Variants in CECR2 observed in about 807,000 individuals in gnomAD.
CECR2 encodes chromatin remodeling regulator CECR2.
In CECR2, 30 loss-of-function variants were observed where a neutral mutation model predicts 154.5. The ratio of observed to expected loss-of-function variants is 0.19; its 90% CI spans 0.15 to 0.26. The LOEUF (loss-of-function observed/expected upper bound fraction) is 0.26, where lower values mean the gene tolerates loss of function less well. Among genes scored for constraint, CECR2 ranks in the 10% least tolerant of loss-of-function variants. The probability of loss-of-function intolerance (pLI) is 1.00; values close to 1 mark genes in which losing one functional copy is unlikely to be tolerated. For synonymous variants in CECR2, 725 were observed against 683.7 expected, an observed-to-expected ratio of 1.06 and a Z score of -0.94; for missense variants, 1,743 against 1,829.3, an observed-to-expected ratio of 0.95 and a Z score of 0.86.
intron 8 of CECR2, among the ~76,000 whole-genome samples, chr22:17,523,863 C>T (rs1483129593): frequency 6.6e-6 from 1 of 151,854 alleles, no homozygotes; most frequent in African/African-American, 2.4e-5. Flanking sequence ...AGTAAATTAT[C>T]CATAAGATTG....
intron 1 of CECR2, among the ~76,000 whole-genome samples, chr22:17,377,128 A>T (rs1410128152): frequency 6.6e-6 from 1 of 152,196 alleles, no homozygotes; most frequent in East Asian, 1.9e-4. Context: ...ACTCTTAACT[A>T]ATCTAGAAAA....
chr22:17,405,639 CAAAAAAA>C (rs58874516), intron 1 of CECR2, among the ~76,000 whole-genome samples: 133 of 72,330 alleles, frequency 1.8e-3, no homozygotes, highest in African/African-American at 5.3e-3. Flanking sequence ...GACTCCATCT[CAAAAAAA>C]AAAAAAAAAA....
chr22:17,548,318 G>C lies in CECR2; in HGVS notation c.3031G>C (p.Glu1011Gln). ...VGPELKSSSS[E>Q]SADNCKAMKG... ...CCCGGAGCTCAAAAGCAGCTCCTCC[G>C]AATCTGCGGACAACTGTAAAGCAAT... Residue 1011 changes from glutamate to glutamine, a missense_variant, in exon 17 of 19, where the codon GAA becomes CAA. By Grantham distance (29) the Glu-to-Gln change is conservative. This residue lies in a region of CECR2 where 1,250 missense variants were observed against 1,192.1 expected (regional missense o/e 1.05). Coordinates refer to ENST00000262608, the MANE Select transcript of CECR2 (RefSeq NM_001290047.2). 6.2e-7 allele frequency: 1 copy of C among 1,610,968 alleles called. No individual in the cohort carries two copies. Among genetic ancestry groups the C allele is most frequent in the Non-Finnish European group, 8.5e-7 (1 of 1,178,568 alleles).
At chr22:17,529,626 G>A (rs2056322525) in intron 9 of CECR2, among the ~76,000 whole-genome samples, 1 of 151,968 alleles carries the variant, frequency 6.6e-6, no homozygotes, top group Non-Finnish European at 1.5e-5. Context: ...CGTGAACCCG[G>A]GAGGCGGAGC....
At chr22:17,487,921 C>G (rs886585810) in intron 2 of CECR2, among the ~76,000 whole-genome samples, 1 of 152,010 alleles carries the variant, frequency 6.6e-6, no homozygotes, top group Admixed American at 6.6e-5. Flanking sequence ...TCGCTCTTGT[C>G]CCCCAGGTTT....
chr22:17,545,374 CAAAA>C (rs695493), intron 16 of CECR2, among the ~76,000 whole-genome samples: 87 of 46,436 alleles, frequency 1.9e-3, no homozygotes, highest in African/African-American at 7.5e-3. Flanking sequence ...GACTCCGTCT[CAAAA>C]AAAAAAAAAA....
At chr22:17,448,219 T>TAA (rs2054708500) in intron 1 of CECR2, among the ~76,000 whole-genome samples, 3 of 152,210 alleles carry the variant, frequency 2.0e-5, no homozygotes. Context: ...ATGTGTGTAC[T>TAA]ACACATCCAT....
At chr22:17,504,443 A>C (rs1325033243) in intron 6 of CECR2, among the ~76,000 whole-genome samples, 2 of 150,950 alleles carry the variant, frequency 1.3e-5, no homozygotes, top group Admixed American at 6.6e-5. Context: ...ATTTTTATTT[A>C]TTTATTTATT....
chr22:17,407,419 A>T (rs1970525216), intron 1 of CECR2, among the ~76,000 whole-genome samples: 1 of 152,152 alleles, frequency 6.6e-6, no homozygotes, highest in Non-Finnish European at 1.5e-5. Flanking sequence ...AACATAGTGA[A>T]ACCCCATCTC....
chr22:17,407,536 A>C (rs935297452), intron 1 of CECR2, among the ~76,000 whole-genome samples: 1 of 151,980 alleles, frequency 6.6e-6, no homozygotes, highest in African/African-American at 2.4e-5. Flanking sequence ...CGGAGATTGC[A>C]GTGAGCTGAG....
intron 2 of CECR2, among the ~76,000 whole-genome samples, chr22:17,483,448 T>C (rs1041938993): frequency 1.3e-5 from 2 of 152,038 alleles, no homozygotes; most frequent in African/African-American, 4.8e-5. Context: ...GACCCCTGTC[T>C]CTACTAAAAA....
At chr22:17,478,512 C>T (rs183721176) in intron 2 of CECR2, among the ~76,000 whole-genome samples, 113 of 152,128 alleles carry the variant, frequency 7.4e-4, no homozygotes, top group Non-Finnish European at 1.3e-3. Context: ...CTCGCCACCA[C>T]GCCCGGCTAA....
Position 17,548,501 on chromosome 22 carries a change from G to A in CECR2, c.3214G>A (p.Gly1072Ser), listed in dbSNP as rs766452519. The A allele has an allele frequency of 8.7e-6, 14 of 1,613,850 alleles. No homozygotes were observed. The African/African-American group carries it at 1.7e-4, about 20-fold the overall frequency. ...SPCGSEGKGLGSSGSEKLLCP... is the reference protein window; with the variant it reads ...SPCGSEGKGLSSSGSEKLLCP... ...TTGTGGATCGGAGGGGAAGGGCCTT[G>A]GTAGCAGTGGTTCCGAAAAGCTGCT... Residue 1072 changes from glycine (G) to serine (S), a missense_variant, in exon 17 of 19, where the codon GGT (glycine) becomes AGT (serine). Transcript: ENST00000262608.
chr22:17,505,340 T>TAA (rs796552463), intron 7 of CECR2, among the ~76,000 whole-genome samples: 3 of 143,442 alleles, frequency 2.1e-5, no homozygotes, highest in African/African-American at 5.1e-5. Flanking sequence ...TGTAATGCTT[T>TAA]AAAAAAAAAA....
rs2056759328 is a variant in CECR2 at position 17,555,166 on chromosome 22, G to A, written c.*2326G>A. 6.6e-6 allele frequency: 1 copy of A among 152,254 alleles called. No individual in the cohort carries two copies. Among genetic ancestry groups the A allele is most frequent in the South Asian group, 2.1e-4 (1 of 4,832 alleles). The allele number at this position is 152,254 out of a possible 1,614,324, so 9.4% of individuals were successfully genotyped here. A position where few individuals can be genotyped will look rare whatever the true frequency, so the allele number is the denominator to read the frequency against. On this transcript the variant is annotated 3_prime_UTR_variant, in exon 19 of 19. Coordinates refer to ENST00000262608, the MANE Select transcript of CECR2 (RefSeq NM_001290047.2). ...TGTGCACACTCTTCCAGGTAATCCT[G>A]TCTCCTCTCTCTCCCAGTGACCGCC...
At chr22:17,389,776 C>T (rs1434056866) in intron 1 of CECR2, among the ~76,000 whole-genome samples, 2 of 152,006 alleles carry the variant, frequency 1.3e-5, no homozygotes, top group South Asian at 2.1e-4. Context: ...TACAGGCATG[C>T]GCCACAACGC....
intron 1 of CECR2, among the ~76,000 whole-genome samples, chr22:17,473,075 G>A (rs1355334142): frequency 3.3e-5 from 5 of 152,114 alleles, no homozygotes; most frequent in African/African-American, 2.4e-5. Context: ...TGGAGAAGGT[G>A]GAAGGATGTT....
intron 1 of CECR2, among the ~76,000 whole-genome samples, chr22:17,398,750 C>T (rs1332675906): frequency 6.6e-6 from 1 of 152,180 alleles, no homozygotes; most frequent in Non-Finnish European, 1.5e-5. Context: ...ATAAATTGTG[C>T]TCAAATTAGC....
chr22:17,478,778 G>GGT (rs2055255187), intron 2 of CECR2, among the ~76,000 whole-genome samples: 1 of 152,140 alleles, frequency 6.6e-6, no homozygotes, highest in Non-Finnish European at 1.5e-5. Flanking sequence ...TTTTTCTCAG[G>GGT]GTGGAAGTCT....
Sources: gnomAD v4.1 joint callset for allele counts (sites outside exome capture counted in the v4.1 genomes callset) on GRCh38, gnomAD v4.1.1 for gene constraint, gnomAD v4.1.1 regional missense constraint, MANE v1.5 for transcripts, NCBI Gene and HGNC (gene_info 2026-07-23, HGNC 2026-07-21) for gene names.